Variants in NPSR1 observed in about 807,000 individuals in gnomAD.
NPSR1 encodes neuropeptide S receptor 1.
In NPSR1, 48 loss-of-function variants were observed where a neutral mutation model predicts 46.9. The observed-to-expected ratio is 1.02, with a 90% CI of 0.81 to 1.30. The LOEUF (loss-of-function observed/expected upper bound fraction) is 1.30, where lower values mean the gene tolerates loss of function less well. Ranked by LOEUF, NPSR1 falls within the 50% of genes most tolerant of loss-of-function variation. The pLI is 0.00. For synonymous variants in NPSR1, 176 were observed against 168.1 expected, an observed-to-expected ratio of 1.05 and a Z score of -0.36; for missense variants, 450 against 449.5, an observed-to-expected ratio of 1.00 and a Z score of -0.01.
intron 2 of NPSR1, among the ~76,000 whole-genome samples, chr7:34,728,531 G>A (rs1784271466): frequency 6.6e-6 from 1 of 152,162 alleles, no homozygotes; most frequent in African/African-American, 2.4e-5. Flanking sequence ...AAAATAACTG[G>A]ACTTTGATCT....
intron 4 of NPSR1, among the ~76,000 whole-genome samples, chr7:34,812,911 C>A (rs986391109): frequency 2.6e-5 from 4 of 152,022 alleles, no homozygotes; most frequent in Non-Finnish European, 5.9e-5. Context: ...TCTAGGGAAG[C>A]AAATTTAATA....
intron 2 of NPSR1, among the ~76,000 whole-genome samples, chr7:34,740,370 C>T (rs1439368958): frequency 2.0e-5 from 3 of 151,560 alleles, no homozygotes; most frequent in African/African-American, 7.3e-5. Context: ...ACTTCCCCAC[C>T]TGTGGAGTCT....
chr7:34,875,444 C>G (rs1363361424), intron 8 of NPSR1, among the ~76,000 whole-genome samples: 1 of 152,214 alleles, frequency 6.6e-6, no homozygotes, highest in Non-Finnish European at 1.5e-5. Flanking sequence ...CGCCCTACCT[C>G]AAGGGTCTGA....
rs944828875 is a variant in NPSR1, at chr7:34,755,857, C to A, written c.281-22605C>A. Among the ~76,000 whole-genome samples, 4 of 152,106 alleles carry A rather than the reference C, an allele frequency of 2.6e-5. No individual in the cohort carries two copies. The South Asian group carries it at 6.2e-4, about 24-fold the overall frequency. ...GAGCCACCTCTTTAGGGAAAAAAAT[C>A]TTTTCATATATGTTTGCTTTTAATC... On this transcript the variant is annotated intron_variant, in intron 2 of 8. Transcript: ENST00000360581.
intron 2 of NPSR1, among the ~76,000 whole-genome samples, chr7:34,739,456 T>C (rs545578595): frequency 6.6e-6 from 1 of 152,370 alleles, no homozygotes; most frequent in Non-Finnish European, 1.5e-5. Context: ...ATGGTATCTC[T>C]GTGGTTTTGG....
chr7:34,818,122 C>A (rs746698604), intron 4 of NPSR1, among the ~76,000 whole-genome samples: 4 of 149,390 alleles, frequency 2.7e-5, no homozygotes, highest in Non-Finnish European at 4.5e-5. Context: ...AAGAAGAAGT[C>A]AAATTGTCCC....
intron 1 of NPSR1, chr7:34,660,211 A>G: frequency 4.5e-6 from 2 of 448,508 alleles, no homozygotes. Context: ...GGACCACTGG[A>G]CAAGGAGAAA....
intron 2 of NPSR1, among the ~76,000 whole-genome samples, chr7:34,727,908 G>A (rs1784240960): frequency 6.6e-6 from 1 of 151,938 alleles, no homozygotes; most frequent in African/African-American, 2.4e-5. Context: ...ACATAAAAGT[G>A]GAGGAAATGA....
intron 2 of NPSR1, among the ~76,000 whole-genome samples, chr7:34,725,360 C>T (rs1784091083): frequency 6.6e-6 from 1 of 152,130 alleles, no homozygotes; most frequent in Admixed American, 6.6e-5. Context: ...ATCAACTGTC[C>T]CAAATCCTCT....
intron 8 of NPSR1, among the ~76,000 whole-genome samples, chr7:34,877,041 C>CGTAACCA (rs1255807962): frequency 6.6e-6 from 1 of 152,128 alleles, no homozygotes; most frequent in Non-Finnish European, 1.5e-5. Flanking sequence ...AGTAGAGACC[C>CGTAACCA]GTAACCACTG....
At chr7:34,678,751 G>A (rs112545198) in intron 1 of NPSR1, among the ~76,000 whole-genome samples, 26,247 of 150,784 alleles carry the variant, frequency 0.17, 3,355 homozygotes, top group African/African-American at 0.36. Flanking sequence ...GCGTGAACCC[G>A]GCAGGCGGAG....
chr7:34,724,192 A>G (rs1281985568), intron 2 of NPSR1, among the ~76,000 whole-genome samples: 1 of 152,246 alleles, frequency 6.6e-6, no homozygotes, highest in Non-Finnish European at 1.5e-5. Context: ...TAGATATTGA[A>G]AAACACTATA....
chr7:34,718,451 A>G (rs1358005713), intron 2 of NPSR1, among the ~76,000 whole-genome samples: 2 of 152,220 alleles, frequency 1.3e-5, no homozygotes, highest in African/African-American at 2.4e-5. Flanking sequence ...AAGGGGTCCC[A>G]GAGACCCACA....
intron 2 of NPSR1, among the ~76,000 whole-genome samples, chr7:34,713,501 A>G (rs1028762425): frequency 6.6e-6 from 1 of 152,130 alleles, no homozygotes; most frequent in African/African-American, 2.4e-5. Context: ...TATTTTAAAT[A>G]TTAATGATTT....
At position 34,798,552 on chromosome 7, in the gene NPSR1, G is replaced by A. The variant is rs188332477; in HGVS notation, c.385-13218G>A. On this transcript the variant is annotated intron_variant, in intron 3 of 8. Transcript: ENST00000360581. ...TCTGTCTAAGAAAAAGGGGCGGGGGGTTGAATGCAAAGAGAAATACAATTT... is the reference window on the plus strand; with the variant it reads ...TCTGTCTAAGAAAAAGGGGCGGGGGATTGAATGCAAAGAGAAATACAATTT... Among the ~76,000 whole-genome samples, 41 of 152,130 alleles carry A rather than the reference G, an allele frequency of 2.7e-4. 2 individuals carry two copies. The highest frequency in any genetic ancestry group is 8.9e-4 in the African/African-American group (37 of 41,526).
At chr7:34,804,759 T>G (rs2392278) in intron 3 of NPSR1, among the ~76,000 whole-genome samples, 41,820 of 151,808 alleles carry the variant, frequency 0.28, 5,803 homozygotes, top group Middle Eastern at 0.3. Flanking sequence ...ATTTGTAATT[T>G]TCTATATTAA....
rs115374578 is a variant in NPSR1 at position 34,701,055 on chromosome 7, C to G, written c.280+16371C>G. Among the ~76,000 whole-genome samples, 173 of 152,316 alleles carry G rather than the reference C, an allele frequency of 1.1e-3. 1 individual carries two copies. The highest frequency in any genetic ancestry group is 4.1e-3 in the African/African-American group (169 of 41,562). On this transcript the variant is annotated intron_variant, in intron 2 of 8. Coordinates refer to ENST00000360581, the MANE Select transcript of NPSR1 (RefSeq NM_207172.2). ...CTTTTATTCAGGACAATACACTTTG[C>G]TCAGGTGTGTCTTTGACTCTCAAGC...
At chr7:34,836,767 A>G (rs1790391567) in intron 6 of NPSR1, among the ~76,000 whole-genome samples, 1 of 151,982 alleles carries the variant, frequency 6.6e-6, no homozygotes, top group Non-Finnish European at 1.5e-5. Flanking sequence ...GGGGGAAGAA[A>G]GAGAAAGAAA....
chr7:34,802,622 A>T, intron 3 of NPSR1, among the ~76,000 whole-genome samples: 1 of 150,382 alleles, frequency 6.6e-6, no homozygotes. Context: ...CCTAGAAGAA[A>T]ACCTAAGCAT....
Sources: allele counts gnomAD v4.1 joint callset (sites outside exome capture counted in the v4.1 genomes callset), GRCh38; gene constraint gnomAD v4.1.1; transcripts MANE v1.5; gene names NCBI Gene and HGNC (gene_info 2026-07-23, HGNC 2026-07-21).